Variants in ROBO1 observed in about 807,000 individuals in gnomAD.
ROBO1 encodes the protein roundabout guidance receptor 1, also known as roundabout homolog 1.
ROBO1 carries 149 observed loss-of-function variants against 195.9 expected under a neutral mutation model. The observed-to-expected ratio is 0.76, with a 90% CI of 0.67 to 0.87. The LOEUF (loss-of-function observed/expected upper bound fraction) is 0.87, where lower values mean the gene tolerates loss of function less well. Among genes scored for constraint, ROBO1 ranks in the 40% least tolerant of loss-of-function variants. The pLI, the probability that ROBO1 is intolerant of heterozygous loss-of-function variation, is 0.00. For missense variants in ROBO1, 1,933 were observed against 2,068.3 expected, an observed-to-expected ratio of 0.93 and a Z score of 1.27; for synonymous variants, 816 against 733.2, an observed-to-expected ratio of 1.11 and a Z score of -1.82.
At chr3:78,623,821 G>C (rs1339776406) in intron 26 of ROBO1, among the ~76,000 whole-genome samples, 1 of 152,126 alleles carries the variant, frequency 6.6e-6, no homozygotes, top group Non-Finnish European at 1.5e-5. Flanking sequence ...TTGGATATAT[G>C]GGTCGGAAGC....
chr3:78,770,977 G>C (rs1285012876), intron 4 of ROBO1, among the ~76,000 whole-genome samples: 1 of 151,934 alleles, frequency 6.6e-6, no homozygotes, highest in Non-Finnish European at 1.5e-5. Context: ...TGAGGTGAGA[G>C]AGTCACTTGA....
chr3:79,141,166 G>C (rs943240448), intron 2 of ROBO1, among the ~76,000 whole-genome samples: 1 of 152,034 alleles, frequency 6.6e-6, no homozygotes, highest in African/African-American at 2.4e-5. Context: ...AGGGTGGTGG[G>C]GGACATCTGA....
intron 2 of ROBO1, among the ~76,000 whole-genome samples, chr3:79,252,254 T>C (rs1313379036): frequency 1.3e-5 from 2 of 152,144 alleles, no homozygotes; most frequent in African/African-American, 2.4e-5. Context: ...CAGGAACCTA[T>C]GAATGGGACC....
At chr3:79,546,110 A>T (rs1942254418) in intron 2 of ROBO1, among the ~76,000 whole-genome samples, 1 of 152,010 alleles carries the variant, frequency 6.6e-6, no homozygotes, top group African/African-American at 2.4e-5. Flanking sequence ...AACTTTCTTA[A>T]TAGTAATGTA....
At position 79,259,939 on chromosome 3, in the gene ROBO1, T is replaced by C. The variant is rs998721107; in HGVS notation, c.89-134400A>G. Among the ~76,000 whole-genome samples the C allele has an allele frequency of 9.6e-4, 146 of 152,218 alleles. 2 individuals are homozygous for C. Among genetic ancestry groups the C allele is most frequent in the Admixed American group, 9.4e-3 (143 of 15,270 alleles). ...TCTTGCTTCATCAGTAGGTATTTTGTTTCAGGCCTCTGAGACCGGAGGCAA... is the reference window on the plus strand; with the variant it reads ...TCTTGCTTCATCAGTAGGTATTTTGCTTCAGGCCTCTGAGACCGGAGGCAA... On this transcript the variant is annotated intron_variant, in intron 2 of 30. Transcript: ENST00000464233.
intron 4 of ROBO1, among the ~76,000 whole-genome samples, chr3:78,860,353 T>C (rs1158295785): frequency 7.0e-6 from 1 of 143,366 alleles, no homozygotes; most frequent in Non-Finnish European, 1.5e-5. Context: ...CATAAGGTGT[T>C]TCTAGTGGAA....
At chr3:78,661,565 G>T (rs1008145214) in intron 15 of ROBO1, among the ~76,000 whole-genome samples, 1 of 152,152 alleles carries the variant, frequency 6.6e-6, no homozygotes, top group Non-Finnish European at 1.5e-5. Context: ...GCTTCATGCA[G>T]AAATGTGAGG....
intron 3 of ROBO1, among the ~76,000 whole-genome samples, chr3:79,020,164 C>A (rs1021353677): frequency 6.6e-6 from 1 of 152,116 alleles, no homozygotes; most frequent in African/African-American, 2.4e-5. Context: ...TCTTGACAAG[C>A]CCAGAGTTTG....
At chr3:79,749,890 C>A (rs868851865) in intron 1 of ROBO1, among the ~76,000 whole-genome samples, 3 of 152,220 alleles carry the variant, frequency 2.0e-5, no homozygotes, top group Admixed American at 2.0e-4. Context: ...AGAGCCCCCA[C>A]ACAGAGTCCC....
In ROBO1 at chr3:79,194,611, G is replaced by A. The variant is rs191452234; in HGVS notation, c.89-69072C>T. Among the ~76,000 whole-genome samples, 143 of 151,660 alleles carry A rather than the reference G, an allele frequency of 9.4e-4. 1 individual carries two copies. The highest frequency in any genetic ancestry group is 3.1e-3 in the African/African-American group (130 of 41,438). On this transcript the variant is annotated intron_variant, in intron 2 of 30. Transcript: ENST00000464233. ...GCTTGACGTTGGCATATATATAGAC[G>A]TATAAATGCCGCACTTGCTAAAGAA...
At chr3:78,870,440 A>C (rs1377781169) in intron 4 of ROBO1, among the ~76,000 whole-genome samples, 2 of 152,186 alleles carry the variant, frequency 1.3e-5, no homozygotes, top group African/African-American at 4.8e-5. Flanking sequence ...AGATTGAAGC[A>C]TCTCATTCTC....
At chr3:79,208,733 A>C (rs1390005135) in intron 2 of ROBO1, among the ~76,000 whole-genome samples, 1 of 147,192 alleles carries the variant, frequency 6.8e-6, no homozygotes, top group Non-Finnish European at 1.5e-5. Context: ...GCCTGCATGC[A>C]TGTGTGTTGT....
At chr3:78,738,050 A>AACAATG (rs1248207188) in intron 5 of ROBO1, among the ~76,000 whole-genome samples, 9 of 152,152 alleles carry the variant, frequency 5.9e-5, no homozygotes, top group Admixed American at 3.3e-4. Context: ...AAAGACATTG[A>AACAATG]ACAATGAAAG....
At chr3:79,054,856 A>G (rs2078773233) in intron 3 of ROBO1, among the ~76,000 whole-genome samples, 1 of 152,064 alleles carries the variant, frequency 6.6e-6, no homozygotes, top group Non-Finnish European at 1.5e-5. Context: ...GATGCTTCAG[A>G]CTCAGACCAA....
intron 2 of ROBO1, among the ~76,000 whole-genome samples, chr3:79,454,130 C>G (rs1160896629): frequency 3.2e-5 from 4 of 124,450 alleles, no homozygotes; most frequent in Non-Finnish European, 7.3e-5. Flanking sequence ...TAATTTCATT[C>G]CTTTTTTTTT....
chr3:78,898,854 A>T (rs1279420118), intron 4 of ROBO1, among the ~76,000 whole-genome samples: 2 of 152,162 alleles, frequency 1.3e-5, no homozygotes, highest in African/African-American at 2.4e-5. Context: ...TCTTCTTATA[A>T]CATGTCATGT....
chr3:78,708,801 C>CT (rs1234292017), intron 8 of ROBO1, among the ~76,000 whole-genome samples: 1 of 152,060 alleles, frequency 6.6e-6, no homozygotes, highest in African/African-American at 2.4e-5. Flanking sequence ...TAGTATATAT[C>CT]TTTTTGTCTT....
At chr3:79,365,852 G>C (rs546228075) in intron 2 of ROBO1, among the ~76,000 whole-genome samples, 7 of 149,214 alleles carry the variant, frequency 4.7e-5, no homozygotes, top group Non-Finnish European at 8.9e-5. Context: ...AGCCGAGATC[G>C]CGCCACTGCA....
chr3:78,754,592 G>C (rs1433967995), intron 4 of ROBO1, among the ~76,000 whole-genome samples: 1 of 152,174 alleles, frequency 6.6e-6, no homozygotes, highest in Non-Finnish European at 1.5e-5. Context: ...CAAGACACAG[G>C]AGGTATCCAG....
Sources: gnomAD v4.1 joint callset for allele counts (sites outside exome capture counted in the v4.1 genomes callset) on GRCh38, gnomAD v4.1.1 for gene constraint, MANE v1.5 for transcripts, NCBI Gene and HGNC (gene_info 2026-07-23, HGNC 2026-07-21) for gene names.